The following CYB5B variants were observed in gnomAD, a reference collection of about 807,000 sequenced individuals.
CYB5B encodes cytochrome b5 type B, also known as cytochrome b5 type B (outer mitochondrial membrane).
A neutral mutation model predicts 21.3 loss-of-function variants in CYB5B; 14 were observed. The observed-to-expected ratio is 0.66, with a 90% CI of 0.43 to 1.03. The LOEUF is 1.03. Among genes scored for constraint, CYB5B ranks in the 50% least tolerant of loss-of-function variants. The pLI, the probability that CYB5B is intolerant of heterozygous loss-of-function variation, is 0.00. For synonymous variants in CYB5B, 69 were observed against 68.4 expected (o/e 1.01, Z -0.04); for missense variants, 166 against 185.1 (o/e 0.90, Z 0.60).
At chr16:69,430,135 T>C (rs1282537014) in intron 1 of CYB5B, among the ~76,000 whole-genome samples, 23 of 152,206 alleles carry the variant, frequency 1.5e-4, no homozygotes, top group Admixed American at 1.4e-3. Flanking sequence ...TAATATCTTA[T>C]GACATTGATA....
At chr16:69,426,378 G>A (rs2014646460) in intron 1 of CYB5B, among the ~76,000 whole-genome samples, 1 of 143,336 alleles carries the variant, frequency 7.0e-6, no homozygotes, top group South Asian at 2.2e-4. Context: ...CAGCCTGGGG[G>A]ACCCAGCGAG....
Position 69,462,562 on chromosome 16 carries a change from G to A in CYB5B, c.*42G>A, listed in dbSNP as rs766837387. On this transcript the variant is annotated 3_prime_UTR_variant, in exon 5 of 5. Transcript: ENST00000307892. ...TTAGAAAGTGCATCCACTTTGGGGC[G>A]AAAACTAGAGACTTGCTTGGGGGCT... 17 of 1,511,924 alleles carry A rather than the reference G, an allele frequency of 1.1e-5. No homozygotes were observed. Among genetic ancestry groups the A allele is most frequent in the South Asian group, 6.7e-5 (6 of 88,918 alleles). The allele number at this position is 1,511,924 out of a possible 1,614,324, so 93.7% of individuals were successfully genotyped here. A position where few individuals can be genotyped will look rare whatever the true frequency, so the allele number is the denominator to read the frequency against.
chr16:69,430,943 G>A (rs962057607), intron 1 of CYB5B, among the ~76,000 whole-genome samples: 6 of 152,004 alleles, frequency 3.9e-5, no homozygotes, highest in Non-Finnish European at 8.8e-5. Flanking sequence ...AAAGTGCTGG[G>A]ATTACAGGTG....
chr16:69,462,579 T>C lies in CYB5B; in HGVS notation c.*59T>C, dbSNP rs1166502025. ...TTTGGGGCGAAAACTAGAGACTTGCTTGGGGGCTGCAGAAGTGCCCTCTCC... is the reference window on the plus strand; with the variant it reads ...TTTGGGGCGAAAACTAGAGACTTGCCTGGGGGCTGCAGAAGTGCCCTCTCC... On this transcript the variant is annotated 3_prime_UTR_variant, in exon 5 of 5. Transcript: ENST00000307892. 7 of 1,432,206 alleles carry C rather than the reference T, an allele frequency of 4.9e-6. No individual in the cohort carries two copies. The highest frequency in any genetic ancestry group is 6.9e-6 in the Non-Finnish European group (7 of 1,019,772). The allele number at this position is 1,432,206 out of a possible 1,614,324, so 88.7% of individuals were successfully genotyped here. A position where few individuals can be genotyped will look rare whatever the true frequency, so the allele number is the denominator to read the frequency against.
At chr16:69,432,306 G>T (rs1217723817) in intron 1 of CYB5B, among the ~76,000 whole-genome samples, 1 of 152,148 alleles carries the variant, frequency 6.6e-6, no homozygotes, top group African/African-American at 2.4e-5. Flanking sequence ...TGATATGTGA[G>T]TACTCATACA....
At chr16:69,437,611 A>G (rs962125437) in intron 1 of CYB5B, among the ~76,000 whole-genome samples, 2 of 152,180 alleles carry the variant, frequency 1.3e-5, no homozygotes, top group Non-Finnish European at 2.9e-5. Context: ...TTGTGGTGAA[A>G]TATAGATAAC....
At chr16:69,434,345 G>T (rs1007501867) in intron 1 of CYB5B, among the ~76,000 whole-genome samples, 5 of 152,176 alleles carry the variant, frequency 3.3e-5, no homozygotes, top group African/African-American at 4.8e-5. Context: ...ACAAATCTTT[G>T]TGTGGACATA....
chr16:69,463,284 C>T lies in CYB5B; in HGVS notation c.*764C>T, dbSNP rs898395368. 2.0e-5 allele frequency: 3 copies of T among 152,144 alleles called. No individual in the cohort carries two copies. The highest frequency in any genetic ancestry group is 2.0e-4 in the Admixed American group (3 of 15,270). The allele number at this position is 152,144 out of a possible 1,614,324, so 9.4% of individuals were successfully genotyped here. Reference sequence around the variant, plus strand: ...TCTTCCCAGCCCCTGAGCCCAGCCCCTTCCCAAGTGGTGCCGGACAAAAAA... The same window carrying T: ...TCTTCCCAGCCCCTGAGCCCAGCCCTTTCCCAAGTGGTGCCGGACAAAAAA... On this transcript the variant is annotated 3_prime_UTR_variant, in exon 5 of 5. Transcript: ENST00000307892.
At chr16:69,444,665 GAA>G (rs34870436) in intron 1 of CYB5B, among the ~76,000 whole-genome samples, 1 of 142,866 alleles carries the variant, frequency 7.0e-6, no homozygotes, top group African/African-American at 2.6e-5. Flanking sequence ...TTGCTTCAGT[GAA>G]AAAAAAAAAG....
chr16:69,453,678 C>T (rs1026789378), intron 3 of CYB5B, among the ~76,000 whole-genome samples: 2 of 152,160 alleles, frequency 1.3e-5, no homozygotes, highest in African/African-American at 4.8e-5. Flanking sequence ...CCTGCCTCAG[C>T]CTTCTGAGTA....
intron 1 of CYB5B, among the ~76,000 whole-genome samples, chr16:69,442,047 A>G (rs1331566414): frequency 1.3e-5 from 2 of 152,184 alleles, no homozygotes; most frequent in African/African-American, 4.8e-5. Context: ...TTGCTTATCT[A>G]TAGTTTCTAA....
chr16:69,442,030 A>G (rs184429270), intron 1 of CYB5B, among the ~76,000 whole-genome samples: 1 of 152,272 alleles, frequency 6.6e-6, no homozygotes, highest in East Asian at 1.9e-4. Context: ...ATACAGGGAG[A>G]TTCATTTTGC....
chr16:69,445,968 AT>A (rs919312921), intron 1 of CYB5B, among the ~76,000 whole-genome samples: 2 of 151,760 alleles, frequency 1.3e-5, no homozygotes, highest in African/African-American at 2.4e-5. Context: ...AAAAAAAAAA[AT>A]TTTTTTTCAG....
intron 3 of CYB5B, among the ~76,000 whole-genome samples, chr16:69,453,069 G>A (rs1376233642): frequency 6.6e-6 from 1 of 151,848 alleles, no homozygotes; most frequent in Non-Finnish European, 1.5e-5. Context: ...GTGTTGATGT[G>A]ATGACATTTG....
chr16:69,452,134 G>T (rs1025474327), intron 3 of CYB5B, among the ~76,000 whole-genome samples: 4 of 151,282 alleles, frequency 2.6e-5, no homozygotes, highest in Non-Finnish European at 5.9e-5. Context: ...TAAAAAGCTG[G>T]CCGGGCGCGG....
At chr16:69,452,087 T>C (rs931806221) in intron 3 of CYB5B, among the ~76,000 whole-genome samples, 1 of 151,308 alleles carries the variant, frequency 6.6e-6, no homozygotes, top group Non-Finnish European at 1.5e-5. Context: ...GATGGATGGA[T>C]AGACAGACAA....
At chr16:69,453,153 T>C (rs572465935) in intron 3 of CYB5B, among the ~76,000 whole-genome samples, 1 of 152,334 alleles carries the variant, frequency 6.6e-6, no homozygotes, top group African/African-American at 2.4e-5. Context: ...TTTTTTTAAC[T>C]TCATTTTTAA....
intron 3 of CYB5B, among the ~76,000 whole-genome samples, chr16:69,454,236 A>G (rs1171332173): frequency 6.6e-6 from 1 of 152,168 alleles, no homozygotes; most frequent in Non-Finnish European, 1.5e-5. Flanking sequence ...GCTGTTTTTC[A>G]TCTTTGAATT....
At chr16:69,458,371 G>C (rs10048086) in intron 3 of CYB5B, among the ~76,000 whole-genome samples, 128,151 of 152,158 alleles carry the variant, frequency 0.84, 54,277 homozygotes, top group Middle Eastern at 0.93. Flanking sequence ...TTGTCCTGTT[G>C]TGAACATTTT....
Sources: gnomAD v4.1 joint callset for allele counts (sites outside exome capture counted in the v4.1 genomes callset) on GRCh38, gnomAD v4.1.1 for gene constraint, MANE v1.5 for transcripts, NCBI Gene and HGNC (gene_info 2026-07-23, HGNC 2026-07-21) for gene names.